Variants in DOCK2 observed in about 807,000 individuals in gnomAD.
The protein encoded by DOCK2 is dedicator of cytokinesis protein 2.
A neutral mutation model predicts 248.9 loss-of-function variants in DOCK2; 87 were observed. The ratio of observed to expected loss-of-function variants is 0.35; its 90% confidence interval spans 0.29 to 0.42. DOCK2 has a LOEUF of 0.42. Among genes scored for constraint, DOCK2 ranks in the 10% least tolerant of loss-of-function variants. DOCK2 has a pLI of 1.00. For missense variants in DOCK2, 1,747 were observed against 2,300.2 expected, an observed-to-expected ratio of 0.76 and a Z score of 4.92; for synonymous variants, 805 against 821.6, an observed-to-expected ratio of 0.98 and a Z score of 0.35.
At chr5:169,643,961 G>A (rs892586187) in intron 1 of DOCK2, among the ~76,000 whole-genome samples, 1 of 152,170 alleles carries the variant, frequency 6.6e-6, no homozygotes, top group Non-Finnish European at 1.5e-5. Context: ...GTGGGTTTTT[G>A]CTGCTGGCTT....
intron 29 of DOCK2, among the ~76,000 whole-genome samples, chr5:169,988,621 T>C (rs2113790868): frequency 6.6e-6 from 1 of 152,280 alleles, no homozygotes; most frequent in South Asian, 2.1e-4. Flanking sequence ...CAAGTGATTC[T>C]CCTGCCTCAG....
chr5:169,689,561 C>T (rs1760177617), intron 9 of DOCK2, among the ~76,000 whole-genome samples: 1 of 152,218 alleles, frequency 6.6e-6, no homozygotes, highest in Admixed American at 6.5e-5. Context: ...ATCCGTCTCA[C>T]TCCTGCACAC....
chr5:169,689,822 G>A (rs148443749), intron 9 of DOCK2, among the ~76,000 whole-genome samples: 11 of 152,304 alleles, frequency 7.2e-5, no homozygotes, highest in East Asian at 3.9e-4. Context: ...GATGACTAAC[G>A]ATCTGGTGGG....
chr5:169,807,833 CAAAAAAAAAA>C (rs61670398), intron 26 of DOCK2, among the ~76,000 whole-genome samples: 46 of 24,238 alleles, frequency 1.9e-3, no homozygotes, highest in African/African-American at 3.8e-3. Flanking sequence ...GACTCTGTCT[CAAAAAAAAAA>C]AAAAAAAAAA....
intron 27 of DOCK2, among the ~76,000 whole-genome samples, chr5:169,846,609 T>TAC (rs36021201): frequency 4.6e-5 from 7 of 150,768 alleles, no homozygotes; most frequent in Non-Finnish European, 1.0e-4. Flanking sequence ...CACACACATA[T>TAC]ACACACACAC....
intron 22 of DOCK2, among the ~76,000 whole-genome samples, chr5:169,744,832 G>A (rs944265402): frequency 6.6e-6 from 1 of 152,224 alleles, no homozygotes; most frequent in Non-Finnish European, 1.5e-5. Context: ...AGGCCAACCA[G>A]CAGGAAAGTG....
At chr5:170,057,730 C>T in intron 44 of DOCK2, 64 bp downstream of exon 44, 1 of 1,407,936 alleles carries the variant, frequency 7.1e-7, no homozygotes, top group South Asian at 1.4e-5. Context: ...AGCCAGTCTC[C>T]AAAGGCCCCT....
intron 26 of DOCK2, among the ~76,000 whole-genome samples, chr5:169,833,297 T>C (rs868724877): frequency 6.6e-6 from 1 of 152,212 alleles, no homozygotes; most frequent in Admixed American, 6.5e-5. Flanking sequence ...TAGGGCAGAA[T>C]TCCCTGTAAA....
At chr5:170,035,323 A>G (rs1170151329) in intron 35 of DOCK2, among the ~76,000 whole-genome samples, 3 of 152,188 alleles carry the variant, frequency 2.0e-5, no homozygotes, top group Admixed American at 2.0e-4. Context: ...CCTCCCTACC[A>G]TTCCCAAGGC....
At chr5:169,924,320 C>G (rs1209392497) in intron 27 of DOCK2, among the ~76,000 whole-genome samples, 1 of 152,190 alleles carries the variant, frequency 6.6e-6, no homozygotes, top group South Asian at 2.1e-4. Flanking sequence ...TAGGAAGTCT[C>G]TGTCCTCATA....
At chr5:170,031,712 A>T (rs991266458) in intron 34 of DOCK2, among the ~76,000 whole-genome samples, 1 of 152,214 alleles carries the variant, frequency 6.6e-6, no homozygotes. Flanking sequence ...GAGTGGAAGG[A>T]TGGATAGTGG....
chr5:169,666,899 A>G (rs1758766038), intron 2 of DOCK2, among the ~76,000 whole-genome samples: 1 of 152,220 alleles, frequency 6.6e-6, no homozygotes, highest in South Asian at 2.1e-4. Flanking sequence ...TAGTTGGTGC[A>G]CAATTAATAT....
At chr5:169,801,154 T>G (rs10060142) in intron 25 of DOCK2, among the ~76,000 whole-genome samples, 5 of 81,560 alleles carry the variant, frequency 6.1e-5, no homozygotes, top group East Asian at 2.9e-4. Context: ...GGGTTTTTTT[T>G]TTTTTTTTTT....
chr5:169,637,883 T>G (rs1169123847), intron 1 of DOCK2, among the ~76,000 whole-genome samples: 1 of 152,030 alleles, frequency 6.6e-6, no homozygotes, highest in Non-Finnish European at 1.5e-5. Context: ...CTTGGGGGAA[T>G]GGGGCTGGAC....
chr5:169,708,062 G>C (rs1213698905), intron 14 of DOCK2, 107 bp from the exon 15 acceptor site: 1 of 1,118,272 alleles, frequency 8.9e-7, no homozygotes, highest in Non-Finnish European at 1.3e-6. Context: ...GGAAGGCAGG[G>C]TTGGCCCAGG....
chr5:169,816,315 G>T (rs190160271), intron 26 of DOCK2, among the ~76,000 whole-genome samples: 2 of 152,330 alleles, frequency 1.3e-5, no homozygotes, highest in Admixed American at 1.3e-4. Flanking sequence ...TCCAGCAAAT[G>T]ATCTAAGAGT....
intron 9 of DOCK2, among the ~76,000 whole-genome samples, chr5:169,690,155 G>A (rs145802069): frequency 0.012 from 1,755 of 150,618 alleles, 30 homozygotes; most frequent in African/African-American, 0.041. Context: ...TGATTCTCCT[G>A]CCTCAGCCTC....
At chr5:169,759,374 G>C (rs1371289701) in intron 23 of DOCK2, among the ~76,000 whole-genome samples, 1 of 152,204 alleles carries the variant, frequency 6.6e-6, no homozygotes, top group African/African-American at 2.4e-5. Flanking sequence ...TCACAGATAA[G>C]TAAATGTCTG....
chr5:169,897,478 C>G (rs781512613), intron 27 of DOCK2, among the ~76,000 whole-genome samples: 1 of 152,030 alleles, frequency 6.6e-6, no homozygotes, highest in South Asian at 2.1e-4. Context: ...TGTGAGCCAC[C>G]GTACTCGGCC....
Sources: gnomAD v4.1 joint callset for allele counts (sites outside exome capture counted in the v4.1 genomes callset) on GRCh38, gnomAD v4.1.1 for gene constraint, MANE v1.5 for transcripts, NCBI Gene and HGNC (gene_info 2026-07-23, HGNC 2026-07-21) for gene names.